PLXDC2: variants seen among roughly 807,000 people sequenced by gnomAD.
PLXDC2 encodes the protein plexin domain-containing protein 2.
PLXDC2 carries 40 observed loss-of-function variants against 68.9 expected under a neutral mutation model. That is an observed-to-expected ratio of 0.58 (90% CI 0.45 to 0.76). PLXDC2 has a LOEUF of 0.76. Ranked by LOEUF, PLXDC2 falls within the 30% of genes least tolerant of loss-of-function variation. The probability of loss-of-function intolerance (pLI) is 0.00; values close to 1 mark genes in which losing one functional copy is unlikely to be tolerated. For missense variants in PLXDC2, 644 were observed against 661.9 expected (o/e 0.97, Z 0.30); for synonymous variants, 243 against 234.2 (o/e 1.04, Z -0.34).
rs917591009 is a variant in PLXDC2 at position 20,285,481 on chromosome 10, T to C, written c.*5662T>C. The C allele has an allele frequency of 6.6e-6, 1 of 152,192 alleles. No homozygotes were observed. The highest frequency in any genetic ancestry group is 1.5e-5 in the Non-Finnish European group (1 of 68,028). The allele number at this position is 152,192 out of a possible 1,614,324, so 9.4% of individuals were successfully genotyped here. ...CTCTATCAATTTTCAACTCCAATTT[T>C]CTATTCTACTTAAAATGGGAACTAG... On this transcript the variant is annotated 3_prime_UTR_variant, in exon 14 of 14. Coordinates refer to ENST00000377252, the MANE Select transcript of PLXDC2 (RefSeq NM_032812.9).
intron 4 of PLXDC2, among the ~76,000 whole-genome samples, chr10:20,079,293 A>C (rs2131718960): frequency 6.6e-6 from 1 of 152,324 alleles, no homozygotes; most frequent in East Asian, 1.9e-4. Flanking sequence ...TGCAAATCAA[A>C]ACTGCAATGA....
rs759206204 is a variant in PLXDC2 at position 20,047,031 on chromosome 10, T to C, written c.471+16T>C. 1 of 1,572,412 alleles carries C rather than the reference T, an allele frequency of 6.4e-7. No homozygotes were observed. Among genetic ancestry groups the C allele is most frequent in the South Asian group, 1.2e-5 (1 of 84,398 alleles). ...GCAAGCTGCAGTAAGTGTTTGGACATTCAGGGTTCATTTTACCTACTGTGA... is the reference window on the plus strand; with the variant it reads ...GCAAGCTGCAGTAAGTGTTTGGACACTCAGGGTTCATTTTACCTACTGTGA... On this transcript the variant is annotated intron_variant, in intron 3 of 13. Transcript: ENST00000377252.
chr10:19,868,671 GTTGAT>G (rs1461053484), intron 1 of PLXDC2, among the ~76,000 whole-genome samples: 1 of 152,034 alleles, frequency 6.6e-6, no homozygotes, highest in East Asian at 1.9e-4. Flanking sequence ...TGTATATTCT[GTTGAT>G]TTATTTTCAA....
intron 4 of PLXDC2, among the ~76,000 whole-genome samples, chr10:20,085,295 G>A (rs754601140): frequency 2.0e-5 from 3 of 152,082 alleles, no homozygotes; most frequent in Non-Finnish European, 4.4e-5. Context: ...GCACAGAACT[G>A]ATAAAATGTT....
chr10:19,817,963 C>T (rs1836387415), intron 1 of PLXDC2, among the ~76,000 whole-genome samples: 1 of 152,160 alleles, frequency 6.6e-6, no homozygotes, highest in African/African-American at 2.4e-5. Context: ...CGGGGAGTTG[C>T]GCCCCGGGGG....
intron 4 of PLXDC2, among the ~76,000 whole-genome samples, chr10:20,139,119 G>A (rs775144577): frequency 1.3e-5 from 2 of 152,140 alleles, no homozygotes; most frequent in Non-Finnish European, 2.9e-5. Context: ...GCTTACAGAT[G>A]TAAAAACAGA....
chr10:20,228,188 A>T (rs1835311533), intron 12 of PLXDC2, among the ~76,000 whole-genome samples: 1 of 152,186 alleles, frequency 6.6e-6, no homozygotes, highest in Admixed American at 6.5e-5. Flanking sequence ...TAACCATAAG[A>T]TACAAATTTA....
intron 2 of PLXDC2, among the ~76,000 whole-genome samples, chr10:20,021,242 T>C (rs1835303210): frequency 6.6e-6 from 1 of 152,142 alleles, no homozygotes; most frequent in African/African-American, 2.4e-5. Context: ...CATAGTTACT[T>C]CCATTTTATT....
At chr10:20,244,258 C>T (rs1835558854) in intron 12 of PLXDC2, among the ~76,000 whole-genome samples, 1 of 152,120 alleles carries the variant, frequency 6.6e-6, no homozygotes, top group African/African-American at 2.4e-5. Context: ...CCTGAGTAAT[C>T]ATCAGTGATT....
chr10:20,026,503 G>T (rs1334162906), intron 2 of PLXDC2, among the ~76,000 whole-genome samples: 1 of 152,086 alleles, frequency 6.6e-6, no homozygotes, highest in Non-Finnish European at 1.5e-5. Context: ...CAGGAAAGTG[G>T]TTCAACTTTT....
At position 20,279,757 on chromosome 10, in the gene PLXDC2, G is replaced by C. The variant is rs1836056772; in HGVS notation, c.1528G>C (p.Ala510Pro). The C allele has an allele frequency of 6.2e-7, 1 of 1,613,960 alleles. No individual in the cohort carries two copies. Among genetic ancestry groups the C allele is most frequent in the African/African-American group, 1.3e-5 (1 of 74,982 alleles). ...MKFRRGSGHP[A>P]YAEVEPVGEK... ...GTTTAGAAGAGGCTCTGGACATCCT[G>C]CCTATGCTGAAGTTGAACCAGTTGG... The change falls in exon 14 of 14, where the codon GCC becomes CCC. Residue 510 changes from alanine to proline, a missense_variant. Coordinates refer to ENST00000377252, the MANE Select transcript of PLXDC2 (RefSeq NM_032812.9).
At chr10:19,869,681 GTATT>G (rs1034625482) in intron 1 of PLXDC2, among the ~76,000 whole-genome samples, 5 of 151,904 alleles carry the variant, frequency 3.3e-5, no homozygotes, top group African/African-American at 7.2e-5. Flanking sequence ...ATATTGAATA[GTATT>G]TATTTGTATT....
At chr10:19,846,503 A>G (rs1013423527) in intron 1 of PLXDC2, among the ~76,000 whole-genome samples, 55 of 152,152 alleles carry the variant, frequency 3.6e-4, no homozygotes, top group African/African-American at 1.2e-3. Flanking sequence ...TTTTTCATAT[A>G]TCATACCTCT....
At chr10:19,986,524 G>A (rs1337967163) in intron 1 of PLXDC2, among the ~76,000 whole-genome samples, 7 of 148,114 alleles carry the variant, frequency 4.7e-5, no homozygotes, top group African/African-American at 1.7e-4. Flanking sequence ...AGCACTGAAA[G>A]ATGTTGATGG....
At chr10:20,234,568 T>C (rs1016297180) in intron 12 of PLXDC2, among the ~76,000 whole-genome samples, 5 of 152,290 alleles carry the variant, frequency 3.3e-5, no homozygotes, top group African/African-American at 9.6e-5. Flanking sequence ...TTCTGTCCTA[T>C]GTGGCACAGT....
At chr10:19,937,617 T>G (rs1833748390) in intron 1 of PLXDC2, among the ~76,000 whole-genome samples, 1 of 147,892 alleles carries the variant, frequency 6.8e-6, no homozygotes, top group African/African-American at 2.5e-5. Context: ...GCTGTATTTT[T>G]CATCAGAATA....
chr10:19,909,984 G>T (rs1374894033), intron 1 of PLXDC2, among the ~76,000 whole-genome samples: 1 of 152,026 alleles, frequency 6.6e-6, no homozygotes, highest in East Asian at 1.9e-4. Context: ...GAAATATTTA[G>T]TTCAGAACAT....
chr10:20,082,942 T>TAC (rs1446333432), intron 4 of PLXDC2, among the ~76,000 whole-genome samples: 5 of 148,792 alleles, frequency 3.4e-5, no homozygotes, highest in African/African-American at 1.2e-4. Context: ...CATATATATG[T>TAC]ACATATATGT....
At chr10:20,182,071 T>TGTGTGTG (rs1554772998) in intron 9 of PLXDC2, among the ~76,000 whole-genome samples, 192 of 146,564 alleles carry the variant, frequency 1.3e-3, no homozygotes, top group South Asian at 4.1e-3. Flanking sequence ...AACCGGTTAT[T>TGTGTGTG]TGTGTGTGTG....
Sources: gnomAD v4.1 joint callset for allele counts (sites outside exome capture counted in the v4.1 genomes callset) on GRCh38, gnomAD v4.1.1 for gene constraint, MANE v1.5 for transcripts, NCBI Gene and HGNC (gene_info 2026-07-23, HGNC 2026-07-21) for gene names.